The following TUB variants were observed in gnomAD, a reference collection of about 807,000 sequenced individuals.
TUB encodes the protein tubby protein homolog.
TUB carries 33 observed loss-of-function variants against 59.7 expected under a neutral mutation model. The observed-to-expected ratio is 0.55, with a 90% confidence interval of 0.42 to 0.74. The LOEUF is 0.74. Among genes scored for constraint, TUB ranks in the 30% least tolerant of loss-of-function variants. The pLI is 0.00. For missense variants in TUB, 659 were observed against 672.0 expected (o/e 0.98, Z 0.21); for synonymous variants, 293 against 256.4 (o/e 1.14, Z -1.36).
chr11:8,096,988 T>C (rs1358180196), intron 6 of TUB, among the ~76,000 whole-genome samples, 182 bp downstream of exon 6: 1 of 152,040 alleles, frequency 6.6e-6, no homozygotes, highest in Non-Finnish European at 1.5e-5. Flanking sequence ...TGGGGGGAGA[T>C]GCAGTTGGAC....
intron 11 of TUB, 25 bp from the exon 12 acceptor site, chr11:8,101,461 T>C (rs757378236): frequency 1.3e-5 from 13 of 1,028,602 alleles, no homozygotes; most frequent in Admixed American, 3.2e-5. Flanking sequence ...TCCTTTTCTC[T>C]GTCTGTGCCT....
Position 8,091,306 on chromosome 11 carries a change from A to C in TUB, c.253+1075A>C, listed in dbSNP as rs145109776. ...CCTGGTGCCCAGTTTGTGGCTGGGC[A>C]CACCATACAGGCTCGGTCCCCTGTG... On this transcript the variant is annotated intron_variant, in intron 3 of 11. Transcript: ENST00000299506. Among the ~76,000 whole-genome samples, 9 of 152,302 alleles carry C rather than the reference A, an allele frequency of 5.9e-5. 1 individual carries two copies. The East Asian group carries it at 1.7e-3, about 29-fold the overall frequency.
chr11:8,029,644 C>T (rs561001161), intron 1 of TUB, among the ~76,000 whole-genome samples: 2 of 152,028 alleles, frequency 1.3e-5, no homozygotes, highest in South Asian at 4.1e-4. Flanking sequence ...CCGCCTCAGC[C>T]TCCCAAAGTG....
chr11:8,026,342 T>A (rs531075274), intron 1 of TUB, among the ~76,000 whole-genome samples: 2 of 152,318 alleles, frequency 1.3e-5, no homozygotes, highest in East Asian at 1.9e-4. Flanking sequence ...GTTCTTCTGA[T>A]GTTGTATCTA....
intron 3 of TUB, 39 bp downstream of exon 3, chr11:8,090,270 CG>C: frequency 6.2e-7 from 1 of 1,604,070 alleles, no homozygotes; most frequent in South Asian, 1.1e-5. Flanking sequence ...GTCACTGCTT[CG>C]GGGAGCCCGT....
chr11:8,040,750 A>T (rs1052120243), intron 2 of TUB, among the ~76,000 whole-genome samples: 2 of 152,190 alleles, frequency 1.3e-5, no homozygotes, highest in African/African-American at 2.4e-5. Flanking sequence ...CCCCAGAGGG[A>T]TGACTCTGCT....
chr11:8,026,073 C>T (rs548938958), intron 1 of TUB, among the ~76,000 whole-genome samples: 126 of 152,294 alleles, frequency 8.3e-4, no homozygotes, highest in African/African-American at 2.7e-3. Context: ...TGATGTCGAG[C>T]ATCTTTTCAT....
rs558724144 is a variant in TUB, at chr11:8,097,592, T to C, written c.886-122T>C. The C allele has an allele frequency of 3.1e-6, 4 of 1,304,066 alleles. No individual in the cohort carries two copies. In the South Asian group the frequency reaches 5.3e-5, roughly 17 times the overall value. 80.8% of individuals were successfully genotyped at this position (1,304,066 alleles called of 1,614,324 possible). A position where few individuals can be genotyped will look rare whatever the true frequency, so the allele number is the denominator to read the frequency against. ...ATCTTTGTGTTTTCCAGTGCATTTGTGTGTGTGCACATATGTGCGTTTGGG... is the reference window on the plus strand; with the variant it reads ...ATCTTTGTGTTTTCCAGTGCATTTGCGTGTGTGCACATATGTGCGTTTGGG... On this transcript the variant is annotated intron_variant, in intron 7 of 11. Transcript: ENST00000299506.
At chr11:8,083,278 A>T (rs548313426) in intron 1 of TUB, among the ~76,000 whole-genome samples, 104 of 152,062 alleles carry the variant, frequency 6.8e-4, no homozygotes, top group Middle Eastern at 3.4e-3. Flanking sequence ...CCATGGACCG[A>T]GGAGGGTGGG....
intron 11 of TUB, 44 bp from the exon 12 acceptor site, chr11:8,101,442 C>T (rs1944298992): frequency 1.9e-6 from 3 of 1,608,298 alleles, no homozygotes; most frequent in Non-Finnish European, 2.5e-6. Flanking sequence ...CTCTACCATT[C>T]CTGTCCTGTC....
chr11:8,022,955 C>G (rs1942451416), intron 1 of TUB, among the ~76,000 whole-genome samples: 1 of 152,278 alleles, frequency 6.6e-6, no homozygotes, highest in East Asian at 1.9e-4. Flanking sequence ...AACAACAAAA[C>G]AACTGTTTGA....
At chr11:8,032,776 G>A (rs1222759621) in intron 1 of TUB, among the ~76,000 whole-genome samples, 1 of 152,168 alleles carries the variant, frequency 6.6e-6, no homozygotes, top group Non-Finnish European at 1.5e-5. Flanking sequence ...TCCTTCCTCT[G>A]GCAAGAGAGG....
chr11:8,070,380 C>A (rs1043596671), intron 2 of TUB, among the ~76,000 whole-genome samples: 2 of 152,160 alleles, frequency 1.3e-5, no homozygotes, highest in Non-Finnish European at 2.9e-5. Flanking sequence ...CATATGTAGT[C>A]TTGTACCACT....
At chr11:8,083,303 C>G (rs143605040) in intron 1 of TUB, among the ~76,000 whole-genome samples, 1 of 152,130 alleles carries the variant, frequency 6.6e-6, no homozygotes, top group African/African-American at 2.4e-5. Flanking sequence ...GCAGCACTTA[C>G]GGCTGTGGAG....
intron 9 of TUB, among the ~76,000 whole-genome samples, chr11:8,099,462 C>G (rs1443570851): frequency 6.6e-6 from 1 of 152,124 alleles, no homozygotes; most frequent in Non-Finnish European, 1.5e-5. Context: ...AGTAAGTAAT[C>G]CACAGCTACT....
chr11:8,093,938 C>T lies in TUB; in HGVS notation c.254-108C>T, dbSNP rs1943868265. On this transcript the variant is annotated intron_variant, in intron 3 of 11. Coordinates refer to ENST00000299506, the MANE Select transcript of TUB (RefSeq NM_177972.3). ...AAGTGGTACAGGGGCCCTGGTGGGA[C>T]TCGGGGTGCAGTCAAAAATGCTGTG... The T allele has an allele frequency of 3.7e-6, 5 of 1,339,586 alleles. No individual in the cohort carries two copies. In the South Asian group the frequency reaches 6.1e-5, roughly 16 times the overall value. 83.0% of individuals were successfully genotyped at this position (1,339,586 alleles called of 1,614,324 possible).
chr11:8,093,396 G>T (rs1943846152), intron 3 of TUB, among the ~76,000 whole-genome samples: 1 of 152,180 alleles, frequency 6.6e-6, no homozygotes, highest in African/African-American at 2.4e-5. Flanking sequence ...AGACCTAGGG[G>T]AAGGGAGAGA....
At chr11:8,042,518 C>G (rs1942769330) in intron 2 of TUB, among the ~76,000 whole-genome samples, 1 of 152,198 alleles carries the variant, frequency 6.6e-6, no homozygotes, top group Non-Finnish European at 1.5e-5. Context: ...TTTTGAGGAA[C>G]TGTCAGAGTG....
chr11:8,099,309 G>A (rs2090231462), intron 9 of TUB, among the ~76,000 whole-genome samples: 1 of 152,276 alleles, frequency 6.6e-6, no homozygotes, highest in South Asian at 2.1e-4. Flanking sequence ...AAGCTCAGCT[G>A]CAGATGTCAC....
Sources: allele counts gnomAD v4.1 joint callset (sites outside exome capture counted in the v4.1 genomes callset), GRCh38; gene constraint gnomAD v4.1.1; transcripts MANE v1.5; gene names NCBI Gene and HGNC (gene_info 2026-07-23, HGNC 2026-07-21).